The following CYP2C19 variants were observed in gnomAD, a reference collection of about 807,000 sequenced individuals.
CYP2C19 encodes the protein cytochrome P450 2C19.
In CYP2C19, 59 loss-of-function variants were observed where a neutral mutation model predicts 40.9. The ratio of observed to expected loss-of-function variants is 1.44; its 90% CI spans 1.17 to 1.79. The LOEUF is 1.79. CYP2C19 is among the 40% of genes most tolerant of loss of function. CYP2C19 has a pLI of 0.00. For missense variants in CYP2C19, 754 were observed against 596.9 expected, an observed-to-expected ratio of 1.26 and a Z score of -2.74; for synonymous variants, 253 against 208.7, an observed-to-expected ratio of 1.21 and a Z score of -1.83.
At chr10:94,823,378 G>A (rs934692610) in intron 6 of CYP2C19, among the ~76,000 whole-genome samples, 2 of 152,178 alleles carry the variant, frequency 1.3e-5, no homozygotes, top group Non-Finnish European at 2.9e-5. Context: ...ATGAGGTGTA[G>A]GCTAGAAAGG....
chr10:94,818,625 C>T (rs1174494104), intron 5 of CYP2C19, among the ~76,000 whole-genome samples: 2 of 145,966 alleles, frequency 1.4e-5, no homozygotes, highest in African/African-American at 2.6e-5. Flanking sequence ...AAGTTGGATT[C>T]CTAGGTATTT....
chr10:94,800,325 C>G (rs1041633063), intron 5 of CYP2C19, among the ~76,000 whole-genome samples: 2 of 152,200 alleles, frequency 1.3e-5, no homozygotes, highest in African/African-American at 4.8e-5. Context: ...CTGGGTATAA[C>G]CAGCGGAGGC....
intron 6 of CYP2C19, among the ~76,000 whole-genome samples, chr10:94,821,122 G>A (rs555270027): frequency 1.1e-4 from 17 of 151,940 alleles, no homozygotes; most frequent in African/African-American, 3.9e-4. Flanking sequence ...AAGAAAAAAA[G>A]GACATCTTTG....
At chr10:94,838,056 A>G (rs1027004444) in intron 6 of CYP2C19, among the ~76,000 whole-genome samples, 6 of 152,112 alleles carry the variant, frequency 3.9e-5, no homozygotes, top group African/African-American at 1.4e-4. Context: ...TGCTTCCTCA[A>G]TGCCTCCCTT....
intron 5 of CYP2C19, among the ~76,000 whole-genome samples, chr10:94,783,538 G>A (rs1848504558): frequency 6.6e-6 from 1 of 152,028 alleles, no homozygotes; most frequent in Non-Finnish European, 1.5e-5. Context: ...TTTTTGAAGA[G>A]GCTATTTTTT....
chr10:94,820,882 A>C (rs1334133908), intron 6 of CYP2C19, among the ~76,000 whole-genome samples: 3 of 152,168 alleles, frequency 2.0e-5, no homozygotes, highest in Non-Finnish European at 4.4e-5. Flanking sequence ...CTAGGAGTTC[A>C]AGACCAGCCT....
At chr10:94,802,860 T>C (rs564739608) in intron 5 of CYP2C19, among the ~76,000 whole-genome samples, 5 of 152,294 alleles carry the variant, frequency 3.3e-5, no homozygotes, top group African/African-American at 1.2e-4. Flanking sequence ...TTTGTCTGGG[T>C]ATGAAATTCT....
chr10:94,842,416 G>A (rs1849509870), intron 6 of CYP2C19, among the ~76,000 whole-genome samples: 3 of 122,754 alleles, frequency 2.4e-5, no homozygotes, highest in South Asian at 5.3e-4. Context: ...TTTTTTTTAG[G>A]CAACAGATTA....
intron 1 of CYP2C19, among the ~76,000 whole-genome samples, chr10:94,773,237 G>T (rs979462522): frequency 6.6e-6 from 1 of 152,264 alleles, no homozygotes; most frequent in East Asian, 1.9e-4. Flanking sequence ...GTCCAGAATT[G>T]GTTCCTTCCG....
chr10:94,776,863 C>T (rs946751257), intron 3 of CYP2C19, among the ~76,000 whole-genome samples: 4 of 152,094 alleles, frequency 2.6e-5, no homozygotes, highest in African/African-American at 7.2e-5. Flanking sequence ...GTCAAATTGT[C>T]TCTGTTTACA....
chr10:94,831,608 G>A (rs555602443), intron 6 of CYP2C19, among the ~76,000 whole-genome samples: 1 of 152,200 alleles, frequency 6.6e-6, no homozygotes, highest in South Asian at 2.1e-4. Context: ...ACTGGAGTGA[G>A]GTGACATCTC....
intron 6 of CYP2C19, among the ~76,000 whole-genome samples, chr10:94,834,041 T>G (rs1348587765): frequency 6.6e-6 from 1 of 152,240 alleles, no homozygotes; most frequent in African/African-American, 2.4e-5. Context: ...TATTCTCTTC[T>G]CCTTTATTTT....
At chr10:94,851,353 C>A (rs1489027848) in intron 8 of CYP2C19, among the ~76,000 whole-genome samples, 3 of 151,944 alleles carry the variant, frequency 2.0e-5, no homozygotes, top group Admixed American at 6.6e-5. Flanking sequence ...ATGATGCAAT[C>A]ACCTTCTACC....
At chr10:94,818,076 A>T (rs1456846467) in intron 5 of CYP2C19, among the ~76,000 whole-genome samples, 2 of 150,068 alleles carry the variant, frequency 1.3e-5, no homozygotes, top group Non-Finnish European at 3.0e-5. Flanking sequence ...ATAAGGTGTA[A>T]GGAAGGGATC....
intron 5 of CYP2C19, among the ~76,000 whole-genome samples, chr10:94,807,731 A>T (rs946454325): frequency 1.3e-5 from 2 of 151,952 alleles, no homozygotes; most frequent in Admixed American, 6.6e-5. Flanking sequence ...TTTTAATTGT[A>T]GTATTTGTTT....
At chr10:94,837,474 G>C (rs1407482191) in intron 6 of CYP2C19, among the ~76,000 whole-genome samples, 1 of 152,168 alleles carries the variant, frequency 6.6e-6, no homozygotes, top group Non-Finnish European at 1.5e-5. Flanking sequence ...CTTCTCCTAT[G>C]TTCAGGTGTA....
At chr10:94,796,332 G>T (rs374877119) in intron 5 of CYP2C19, among the ~76,000 whole-genome samples, 5 of 152,116 alleles carry the variant, frequency 3.3e-5, no homozygotes, top group Middle Eastern at 3.4e-3. Flanking sequence ...ATTTCTGAGG[G>T]CTCTGTTCTG....
intron 6 of CYP2C19, among the ~76,000 whole-genome samples, chr10:94,821,878 A>T (rs1196986670): frequency 1.3e-5 from 2 of 152,006 alleles, no homozygotes; most frequent in African/African-American, 2.4e-5. Flanking sequence ...GGTCCCAACT[A>T]TTTCATCACC....
At chr10:94,769,150 G>T (rs777026360) in intron 1 of CYP2C19, among the ~76,000 whole-genome samples, 6 of 152,054 alleles carry the variant, frequency 3.9e-5, no homozygotes, top group Non-Finnish European at 7.4e-5. Context: ...AGGCAAAGCT[G>T]GGCCTTTGAC....
Sources: allele counts gnomAD v4.1 joint callset (sites outside exome capture counted in the v4.1 genomes callset), GRCh38; gene constraint gnomAD v4.1.1; transcripts MANE v1.5; gene names NCBI Gene and HGNC (gene_info 2026-07-23, HGNC 2026-07-21).